VPS13C: variants seen among roughly 807,000 people sequenced by gnomAD.
VPS13C encodes intermembrane lipid transfer protein VPS13C.
Under a neutral mutation model 456.8 loss-of-function variants are expected in VPS13C, and 358 were observed. The ratio of observed to expected loss-of-function variants is 0.78; its 90% CI spans 0.72 to 0.86. The LOEUF (loss-of-function observed/expected upper bound fraction) is 0.86, where lower values mean the gene tolerates loss of function less well. Among genes scored for constraint, VPS13C ranks in the 40% least tolerant of loss-of-function variants. The pLI is 0.00. For missense variants in VPS13C, 4,818 were observed against 4,385.4 expected (o/e 1.10, Z -2.79); for synonymous variants, 1,578 against 1,486.7 (o/e 1.06, Z -1.41).
chr15:61,948,665 A>C (rs2044687266), intron 42 of VPS13C, among the ~76,000 whole-genome samples: 1 of 152,040 alleles, frequency 6.6e-6, no homozygotes, highest in Admixed American at 6.6e-5. Flanking sequence ...CCTGAGCAAC[A>C]AAAGTGAAAT....
intron 81 of VPS13C, chr15:61,864,196 T>C (rs1894383522): frequency 2.1e-6 from 1 of 476,960 alleles, no homozygotes; most frequent in African/African-American, 2.1e-5. Flanking sequence ...ATATTTCTTA[T>C]AGAAAAGAAA....
At position 62,007,404 on chromosome 15, in the gene VPS13C, T is replaced by C. The variant is rs9635356; in HGVS notation, c.1194A>G (p.Ile398Met). ...TCTTGAGTAACTGCCTGTGCTTTTT[T>C]ATGTTACTCCATGACCACATCTGTG... Reference protein sequence around the residue: ...RYTQMWSWSNIKKHRQLLKSY... With the variant: ...RYTQMWSWSNMKKHRQLLKSY... Residue 398 changes from isoleucine (I) to methionine (M), a missense_variant, in exon 15 of 85, where the codon ATA becomes ATG. Physicochemically the swap from Ile to Met is conservative, Grantham distance 10. This residue lies in a region of VPS13C where 4,552 missense variants were observed against 4,130.6 expected (regional missense o/e 1.10). Transcript: ENST00000644861. The C allele has an allele frequency of 2.5e-6, 4 of 1,612,868 alleles. No homozygotes were observed. The highest frequency in any genetic ancestry group is 1.7e-4 in the Middle Eastern group (1 of 6,056).
intron 3 of VPS13C, among the ~76,000 whole-genome samples, chr15:62,039,877 A>C (rs2899677): frequency 6.6e-6 from 1 of 151,994 alleles, no homozygotes; most frequent in Non-Finnish European, 1.5e-5. Context: ...AAAAGAAAGG[A>C]AATCAGTATA....
Position 61,867,998 on chromosome 15 carries a change from T to A in VPS13C, c.10863+661A>T, listed in dbSNP as rs1027023983. On this transcript the variant is annotated intron_variant, in intron 81 of 84. Transcript: ENST00000644861. This position sits in a 1 kb window ranked among gnomAD's most constrained non-coding sequence, Gnocchi z 5.0. ...ATAAAGTTAGAAGCATGCAGAAAGATAGATAAAACGTAATCATATACAATA... is the reference window on the plus strand; with the variant it reads ...ATAAAGTTAGAAGCATGCAGAAAGAAAGATAAAACGTAATCATATACAATA... The A allele has an allele frequency of 3.2e-6, 4 of 1,239,334 alleles. No homozygotes were observed. The highest frequency in any genetic ancestry group is 4.7e-6 in the Non-Finnish European group (4 of 847,946). 76.8% of individuals were successfully genotyped at this position (1,239,334 alleles called of 1,614,324 possible). A position where few individuals can be genotyped will look rare whatever the true frequency, so the allele number is the denominator to read the frequency against.
chr15:61,913,152 A>G (rs1257602488), intron 62 of VPS13C, among the ~76,000 whole-genome samples, 159 bp downstream of exon 62: 1 of 151,598 alleles, frequency 6.6e-6, no homozygotes, highest in African/African-American at 2.4e-5. Flanking sequence ...AACTAGAAAT[A>G]CCATTTGACC....
chr15:61,969,503 T>G, intron 27 of VPS13C, 51 bp from the exon 28 acceptor site: 3 of 1,316,160 alleles, frequency 2.3e-6, no homozygotes, highest in East Asian at 2.5e-5. Context: ...GAATCATACT[T>G]AAAATAATGA....
At chr15:62,012,289 C>G (rs1302352828) in intron 11 of VPS13C, 125 bp from the exon 12 acceptor site, 7 of 545,250 alleles carry the variant, frequency 1.3e-5, no homozygotes, top group Non-Finnish European at 2.3e-5. Context: ...ATCTTTGCTT[C>G]TCTGTTACTA....
chr15:61,972,053 G>C (rs2045571713), intron 27 of VPS13C, among the ~76,000 whole-genome samples: 1 of 152,198 alleles, frequency 6.6e-6, no homozygotes, highest in Non-Finnish European at 1.5e-5. Context: ...ACCACCCAGA[G>C]ATGAACACTG....
chr15:61,940,789 A>G lies in VPS13C; in HGVS notation c.5459T>C (p.Ile1820Thr), dbSNP rs762833196. ...ATTTTGTGGCAAGCTAGCCTGCAAAATAGTTCTGAAAGAAAAACAAGAATT... is the reference window on the plus strand; with the variant it reads ...ATTTTGTGGCAAGCTAGCCTGCAAAGTAGTTCTGAAAGAAAAACAAGAATT... ...ELTQLKLSRT[I>T]LQASLPQNDI... Residue 1820 changes from isoleucine (I) to threonine (T), a missense_variant, in exon 47 of 85, where the codon ATT (isoleucine) becomes ACT (threonine). Ile to Thr is a moderately conservative substitution (Grantham distance 89, BLOSUM62 -1). This residue lies in a region of VPS13C where 4,552 missense variants were observed against 4,130.6 expected (regional missense o/e 1.10). Coordinates refer to ENST00000644861, the MANE Select transcript of VPS13C (RefSeq NM_020821.3). 6.2e-7 allele frequency: 1 copy of G among 1,608,986 alleles called. No homozygotes were observed. The highest frequency in any genetic ancestry group is 8.5e-7 in the Non-Finnish European group (1 of 1,177,562).
Position 61,950,348 on chromosome 15 carries a change from A to G in VPS13C, c.4596+10T>C. ...CAACCCAACCTTATAGCAAATTATAAAAGTTTTACCTTCAGTCTCTGTTTG... is the reference window on the plus strand; with the variant it reads ...CAACCCAACCTTATAGCAAATTATAGAAGTTTTACCTTCAGTCTCTGTTTG... On this transcript the variant is annotated intron_variant, in intron 41 of 84. Coordinates refer to ENST00000644861, the MANE Select transcript of VPS13C (RefSeq NM_020821.3). 1 of 1,605,300 alleles carries G rather than the reference A, an allele frequency of 6.2e-7. No homozygotes were observed. Among genetic ancestry groups the G allele is most frequent in the South Asian group, 1.1e-5 (1 of 90,656 alleles).
intron 58 of VPS13C, 68 bp from the exon 59 acceptor site, chr15:61,918,325 C>T (rs1360362972): frequency 7.4e-7 from 1 of 1,345,994 alleles, no homozygotes; most frequent in African/African-American, 1.5e-5. Context: ...ATGAGAGCCA[C>T]AAACAAATAC....
chr15:61,950,111 ATT>A (rs1370257761), intron 41 of VPS13C, among the ~76,000 whole-genome samples: 42 of 152,340 alleles, frequency 2.8e-4, no homozygotes, highest in African/African-American at 8.4e-4. Flanking sequence ...CTTTAAGTGT[ATT>A]ATTCACATAC....
At chr15:62,059,277 C>T (rs2048908441) in intron 1 of VPS13C, among the ~76,000 whole-genome samples, 2 of 152,166 alleles carry the variant, frequency 1.3e-5, no homozygotes, top group South Asian at 2.1e-4. Context: ...GCTACAGTGG[C>T]TAGTGGTTAC....
At chr15:61,884,720 CACTT>C (rs1223654126) in intron 67 of VPS13C, among the ~76,000 whole-genome samples, 1 of 151,858 alleles carries the variant, frequency 6.6e-6, no homozygotes, top group Admixed American at 6.6e-5. Context: ...AGTAACATGT[CACTT>C]AGTGTTATTT....
chr15:61,950,335 A>G, intron 41 of VPS13C, 23 bp downstream of exon 41: 1 of 1,584,858 alleles, frequency 6.3e-7, no homozygotes, highest in African/African-American at 1.3e-5. Context: ...ACCCAACCTT[A>G]TAGCAAATTA....
chr15:61,928,019 A>C (rs913904168), intron 51 of VPS13C, among the ~76,000 whole-genome samples: 1 of 141,408 alleles, frequency 7.1e-6, no homozygotes, highest in African/African-American at 2.6e-5. Flanking sequence ...AGGAAGGGGA[A>C]CAACACACAC....
In VPS13C at chr15:61,907,425, T is replaced by G. The variant is rs192358510; in HGVS notation, c.8979-35A>C. ...AATGAACAGAGAGAAAATCAGAATA[T>G]CTTGGAGATAAGAAACCCAAACCTG... is the stretch of plus-strand genomic sequence containing the variant. On this transcript the variant is annotated intron_variant, in intron 65 of 84. Transcript: ENST00000644861. 2.6e-4 allele frequency: 410 copies of G among 1,605,436 alleles called. No individual in the cohort carries two copies. In the African/African-American group the frequency reaches 4.1e-3, roughly 16 times the overall value.
intron 18 of VPS13C, among the ~76,000 whole-genome samples, chr15:61,987,408 G>A (rs1396812592): frequency 1.3e-5 from 2 of 152,174 alleles, no homozygotes; most frequent in African/African-American, 4.8e-5. Context: ...CAGAAGGCAA[G>A]GGAAGAGCAA....
chr15:61,881,286 C>A lies in VPS13C; in HGVS notation c.9776+277G>T, dbSNP rs191856910. Among the ~76,000 whole-genome samples, 388 of 152,182 alleles carry A rather than the reference C, an allele frequency of 2.5e-3. 2 individuals carry two copies. The highest frequency in any genetic ancestry group is 4.6e-3 in the Admixed American group (70 of 15,264). On this transcript the variant is annotated intron_variant, in intron 71 of 84. Coordinates refer to ENST00000644861, the MANE Select transcript of VPS13C (RefSeq NM_020821.3). ...CAATTACATTAAAGAACACAGCTCA[C>A]AAATACATATCATTTAGATTTCACT...
Sources: allele counts gnomAD v4.1 joint callset (sites outside exome capture counted in the v4.1 genomes callset), GRCh38; gene constraint gnomAD v4.1.1; regional missense constraint gnomAD v4.1.1; non-coding constraint Gnocchi (gnomAD v3.1); transcripts MANE v1.5; gene names NCBI Gene and HGNC (gene_info 2026-07-23, HGNC 2026-07-21).